Variants in ANAPC5 observed in about 807,000 individuals in gnomAD.
The protein encoded by ANAPC5 is anaphase promoting complex subunit 5, also known as anaphase-promoting complex subunit 5.
A neutral mutation model predicts 91.3 loss-of-function variants in ANAPC5; 60 were observed. That is an observed-to-expected ratio of 0.66 (90% confidence interval 0.53 to 0.81). The LOEUF is 0.81. Ranked by LOEUF, ANAPC5 falls within the 40% of genes least tolerant of loss-of-function variation. The probability of loss-of-function intolerance (pLI) is 0.00; values close to 1 mark genes in which losing one functional copy is unlikely to be tolerated. For missense variants in ANAPC5, 690 were observed against 931.5 expected (o/e 0.74, Z 3.37); for synonymous variants, 340 against 364.1 (o/e 0.93, Z 0.75).
intron 7 of ANAPC5, 92 bp downstream of exon 7, chr12:121,335,441 T>C (rs1025588604): frequency 9.1e-6 from 13 of 1,422,530 alleles, no homozygotes; most frequent in East Asian, 2.3e-5. Context: ...GCTGGGACTA[T>C]AGGCGTGAGC....
chr12:121,323,630 C>T (rs1449911390), intron 11 of ANAPC5, among the ~76,000 whole-genome samples: 2 of 152,164 alleles, frequency 1.3e-5, no homozygotes, highest in Non-Finnish European at 2.9e-5. Context: ...AAACAGCACC[C>T]AACTGGGAGG....
At chr12:121,345,611 C>T (rs1422021480) in intron 4 of ANAPC5, among the ~76,000 whole-genome samples, 4 of 152,238 alleles carry the variant, frequency 2.6e-5, no homozygotes, top group Middle Eastern at 3.4e-3. Flanking sequence ...CCACACTCCA[C>T]GTCATTCTCC....
intron 7 of ANAPC5, chr12:121,333,756 T>C (rs1555273163): frequency 6.6e-6 from 1 of 152,180 alleles, no homozygotes; most frequent in African/African-American, 2.4e-5. Flanking sequence ...ACTTACCAGC[T>C]CTCAATCTTC....
chr12:121,335,416 T>C, intron 7 of ANAPC5, 117 bp downstream of exon 7: 1 of 1,184,874 alleles, frequency 8.4e-7, no homozygotes, highest in Non-Finnish European at 1.2e-6. Flanking sequence ...TCCACCCGCC[T>C]TGGCCTCCCA....
At chr12:121,323,931 G>A (rs1462701462) in intron 11 of ANAPC5, among the ~76,000 whole-genome samples, 2 of 152,120 alleles carry the variant, frequency 1.3e-5, no homozygotes, top group East Asian at 1.9e-4. Flanking sequence ...TGAGAGAGGA[G>A]TGATATAAGA....
intron 1 of ANAPC5, among the ~76,000 whole-genome samples, chr12:121,350,497 C>T (rs1309086682): frequency 6.6e-6 from 1 of 152,000 alleles, no homozygotes; most frequent in Admixed American, 6.6e-5. Context: ...CCGGCTAACA[C>T]GGTGAAACCC....
At chr12:121,329,555 C>G (rs1902952698) in intron 9 of ANAPC5, among the ~76,000 whole-genome samples, 1 of 151,804 alleles carries the variant, frequency 6.6e-6, no homozygotes, top group African/African-American at 2.4e-5. Context: ...ATCCCACTGC[C>G]TATGGTCTAG....
intron 16 of ANAPC5, among the ~76,000 whole-genome samples, 197 bp from the exon 17 acceptor site, chr12:121,308,888 C>T (rs556833166): frequency 9.2e-5 from 14 of 152,174 alleles, no homozygotes; most frequent in Non-Finnish European, 2.1e-4. Flanking sequence ...GTGGCTCATG[C>T]CTGTAATCCT....
At chr12:121,335,859 T>C in intron 6 of ANAPC5, 136 bp from the exon 7 acceptor site, 1 of 687,018 alleles carries the variant, frequency 1.5e-6, no homozygotes, top group Non-Finnish European at 2.3e-6. Context: ...TTTAGCTTAA[T>C]CTTCTCCCTA....
intron 7 of ANAPC5, chr12:121,334,280 T>TAAAAAC (rs1200307317): frequency 4.6e-5 from 7 of 152,300 alleles, no homozygotes; most frequent in African/African-American, 1.4e-4. Context: ...CCTTGTCTCT[T>TAAAAAC]AAAAACAAAA....
chr12:121,348,936 C>T lies in ANAPC5; in HGVS notation c.208-1055G>A, dbSNP rs71454691. 8.7e-3 allele frequency among the ~76,000 whole-genome samples: 1,321 copies of T among 152,244 alleles called. 10 individuals are homozygous for T. The highest frequency in any genetic ancestry group is 0.02 in the Middle Eastern group (6 of 294). On this transcript the variant is annotated intron_variant, in intron 1 of 16. Coordinates refer to ENST00000261819, the MANE Select transcript of ANAPC5 (RefSeq NM_016237.5). The stretch of plus-strand genomic sequence containing the variant: ...TATAATACAGAGTTGAATTATGTTG[C>T]TTTTCTTACTGTGAAATATAATGCA...
intron 11 of ANAPC5, chr12:121,321,182 G>T (rs1902590735): frequency 6.6e-6 from 1 of 151,816 alleles, no homozygotes; most frequent in African/African-American, 2.4e-5. Context: ...CCAGGAGGCA[G>T]AGGTTGTGGT....
chr12:121,337,317 T>G lies in ANAPC5; in HGVS notation c.733A>C (p.Lys245Gln). 6.2e-7 allele frequency: 1 copy of G among 1,613,792 alleles called. No homozygotes were observed. Among genetic ancestry groups the G allele is most frequent in the Middle Eastern group, 1.6e-4 (1 of 6,062 alleles). Residue 245 changes from lysine to glutamine, a missense_variant, in exon 6 of 17, where the codon AAA becomes CAA. Lys to Gln is a moderately conservative substitution (Grantham distance 53). Transcript: ENST00000261819. ...SLQKELNNLL[K>Q]FNPDFAEAHY... ...GCTTCAGCAAAATCAGGATTAAATT[T>G]CAACAAATTGTTTAATTCCTTCTGC...
At chr12:121,319,353 C>T (rs1397610979) in intron 13 of ANAPC5, among the ~76,000 whole-genome samples, 1 of 151,904 alleles carries the variant, frequency 6.6e-6, no homozygotes, top group East Asian at 1.9e-4. Context: ...CTCCCTCAGC[C>T]TCCCAAGTAG....
At chr12:121,329,077 G>C (rs1555272594) in intron 9 of ANAPC5, 1 of 152,522 alleles carries the variant, frequency 6.6e-6, no homozygotes, top group Admixed American at 6.5e-5. Flanking sequence ...AGCCACTTTT[G>C]TCATTATAAT....
At chr12:121,328,685 G>A in intron 9 of ANAPC5, 188 bp from the exon 10 acceptor site, 1 of 544,524 alleles carries the variant, frequency 1.8e-6, no homozygotes, top group African/African-American at 1.9e-5. Flanking sequence ...AACTGGGTCT[G>A]GGAGAGAGGC....
At chr12:121,311,070 G>A (rs558569469) in intron 15 of ANAPC5, among the ~76,000 whole-genome samples, 15 of 150,902 alleles carry the variant, frequency 9.9e-5, no homozygotes, top group African/African-American at 3.4e-4. Flanking sequence ...GTCTACAAGA[G>A]ACTCACTGTA....
In ANAPC5 at chr12:121,341,871, A is replaced by T. The variant is rs1555274123; in HGVS notation, c.657+132T>A. On this transcript the variant is annotated intron_variant, in intron 5 of 16. Transcript: ENST00000261819. ...TTCGTTAGTGAGGCAGAGGGGACCA[A>T]GAGTAAAGGCTGACACAGACTGACC... The T allele has an allele frequency of 7.2e-6, 4 of 557,960 alleles. No homozygotes were observed. The African/African-American group carries it at 7.7e-5, about 11-fold the overall frequency. The allele number at this position is 557,960 out of a possible 1,614,324, so 34.6% of individuals were successfully genotyped here. A position where few individuals can be genotyped will look rare whatever the true frequency, so the allele number is the denominator to read the frequency against.
intron 11 of ANAPC5, among the ~76,000 whole-genome samples, chr12:121,321,881 T>C (rs2136771764): frequency 6.6e-6 from 1 of 151,314 alleles, no homozygotes. Context: ...GCTTTTTTTT[T>C]TCTGAGACAG....
Sources: allele counts gnomAD v4.1 joint callset (sites outside exome capture counted in the v4.1 genomes callset), GRCh38; gene constraint gnomAD v4.1.1; transcripts MANE v1.5; gene names NCBI Gene and HGNC (gene_info 2026-07-23, HGNC 2026-07-21).